The following STK31 variants were observed in gnomAD, a reference collection of about 807,000 sequenced individuals.
STK31 encodes serine/threonine-protein kinase 31.
A neutral mutation model predicts 129.7 loss-of-function variants in STK31; 89 were observed. The ratio of observed to expected loss-of-function variants is 0.69; its 90% CI spans 0.58 to 0.82. The LOEUF is 0.82. STK31 is among the 40% of genes least tolerant of loss of function. STK31 has a pLI of 0.00. For synonymous variants in STK31, 448 were observed against 395.3 expected (o/e 1.13, Z -1.58); for missense variants, 1,187 against 1,176.4 (o/e 1.01, Z -0.13).
intron 8 of STK31, among the ~76,000 whole-genome samples, chr7:23,751,025 C>T (rs991543312): frequency 1.3e-5 from 2 of 152,310 alleles, no homozygotes; most frequent in East Asian, 3.9e-4. Context: ...ATTCTTCTAT[C>T]CCTACCACAT....
intron 22 of STK31, among the ~76,000 whole-genome samples, chr7:23,803,776 T>C (rs1792524103): frequency 6.6e-6 from 1 of 152,192 alleles, no homozygotes; most frequent in Non-Finnish European, 1.5e-5. Context: ...TGTTGTTCCC[T>C]TCTTTGTGTT....
chr7:23,711,467 T>A (rs1323406172), intron 1 of STK31, among the ~76,000 whole-genome samples: 1 of 151,984 alleles, frequency 6.6e-6, no homozygotes, highest in Non-Finnish European at 1.5e-5. Context: ...GTGTTTTAAT[T>A]TTCCTTCAAC....
intron 6 of STK31, among the ~76,000 whole-genome samples, chr7:23,734,934 C>T (rs1787631620): frequency 6.6e-6 from 1 of 152,128 alleles, no homozygotes; most frequent in Non-Finnish European, 1.5e-5. Context: ...CACTGCACTC[C>T]AGCCTGTGCG....
At chr7:23,779,920 CA>C (rs1470668357) in intron 15 of STK31, among the ~76,000 whole-genome samples, 1 of 152,138 alleles carries the variant, frequency 6.6e-6, no homozygotes, top group Non-Finnish European at 1.5e-5. Flanking sequence ...GGTGTCTGCC[CA>C]AACGTCTGCC....
intron 22 of STK31, among the ~76,000 whole-genome samples, chr7:23,812,841 A>G (rs1793224277): frequency 6.6e-6 from 1 of 152,154 alleles, no homozygotes; most frequent in African/African-American, 2.4e-5. Context: ...TGCAAAAGAT[A>G]TGATTTTATT....
chr7:23,808,569 A>T (rs1792868286), intron 22 of STK31, among the ~76,000 whole-genome samples: 1 of 151,970 alleles, frequency 6.6e-6, no homozygotes. Flanking sequence ...GCTGGGTGGG[A>T]GTGGAAGTAA....
chr7:23,769,250 T>A (rs975556560), intron 12 of STK31, 76 bp downstream of exon 12: 1 of 1,345,264 alleles, frequency 7.4e-7, no homozygotes, highest in African/African-American at 1.5e-5. Context: ...CGCGCTTTGT[T>A]CAAGAGCTGA....
chr7:23,793,669 T>G (rs1791777348), intron 22 of STK31, among the ~76,000 whole-genome samples: 1 of 152,064 alleles, frequency 6.6e-6, no homozygotes, highest in African/African-American at 2.4e-5. Context: ...GAACTACAGA[T>G]TAAAACCAAA....
intron 22 of STK31, among the ~76,000 whole-genome samples, chr7:23,804,325 T>C (rs1033909543): frequency 6.6e-6 from 1 of 152,164 alleles, no homozygotes; most frequent in Non-Finnish European, 1.5e-5. Context: ...ATCTTTATTA[T>C]TGTCTGCTTC....
intron 23 of STK31, among the ~76,000 whole-genome samples, chr7:23,826,271 T>C (rs899626853): frequency 3.9e-5 from 6 of 152,198 alleles, no homozygotes; most frequent in African/African-American, 1.4e-4. Context: ...GCTTTATGAA[T>C]CTGGGTCCTC....
rs73080966 is a variant in STK31 at position 23,734,374 on chromosome 7, T to G, written c.484-1164T>G. On this transcript the variant is annotated intron_variant, in intron 6 of 23. Coordinates refer to ENST00000355870, the MANE Select transcript of STK31 (RefSeq NM_031414.5). ...TATATTCCGAAAAAGAATACTTACT[T>G]TTAATTTCCTTTATAGTACGCACAG... Among the ~76,000 whole-genome samples, 916 of 152,326 alleles carry G rather than the reference T, an allele frequency of 6.0e-3. 1 individual carries two copies. The highest frequency in any genetic ancestry group is 0.024 in the South Asian group (115 of 4,826).
At chr7:23,829,861 G>T (rs1353229815) in intron 23 of STK31, among the ~76,000 whole-genome samples, 27 of 152,284 alleles carry the variant, frequency 1.8e-4, no homozygotes. Context: ...AACCTGGTAG[G>T]TTGTATGTGT....
chr7:23,802,501 G>A (rs932514976), intron 22 of STK31, among the ~76,000 whole-genome samples: 5 of 152,032 alleles, frequency 3.3e-5, no homozygotes, highest in East Asian at 1.9e-4. Context: ...TGAGGGGAGC[G>A]CCAAGAAGCT....
At chr7:23,824,908 T>C (rs963301058) in intron 23 of STK31, among the ~76,000 whole-genome samples, 3 of 152,012 alleles carry the variant, frequency 2.0e-5, no homozygotes, top group African/African-American at 7.3e-5. Context: ...GTTTATTGAT[T>C]TTCATATGTT....
intron 3 of STK31, among the ~76,000 whole-genome samples, chr7:23,717,097 C>CATTTTTTTTTTTT (rs1786381897): frequency 2.3e-5 from 1 of 42,936 alleles, no homozygotes; most frequent in South Asian, 9.4e-4. Context: ...TCGCAACCTG[C>CATTTTTTTTTTTT]TTTTTTTTTT....
intron 4 of STK31, chr7:23,721,446 T>TCCTC: frequency 1.2e-6 from 1 of 834,140 alleles, no homozygotes; most frequent in East Asian, 3.0e-5. Flanking sequence ...TCTTCTTTGT[T>TCCTC]ATCTTCCATT....
At chr7:23,775,180 T>G (rs1385171423) in intron 15 of STK31, among the ~76,000 whole-genome samples, 2 of 152,200 alleles carry the variant, frequency 1.3e-5, no homozygotes, top group African/African-American at 4.8e-5. Context: ...TGTGTTCCAT[T>G]GGTCTGTATA....
At chr7:23,801,853 G>A (rs1290832270) in intron 22 of STK31, among the ~76,000 whole-genome samples, 1 of 152,076 alleles carries the variant, frequency 6.6e-6, no homozygotes, top group East Asian at 1.9e-4. Context: ...GGCCATTTTT[G>A]TGTGAGTCTG....
intron 11 of STK31, among the ~76,000 whole-genome samples, chr7:23,763,955 C>T (rs1335440530): frequency 6.6e-6 from 1 of 152,100 alleles, no homozygotes; most frequent in Non-Finnish European, 1.5e-5. Flanking sequence ...TAATATCGAT[C>T]TTGTTGTGGA....
Sources: allele counts gnomAD v4.1 joint callset (sites outside exome capture counted in the v4.1 genomes callset), GRCh38; gene constraint gnomAD v4.1.1; transcripts MANE v1.5; gene names NCBI Gene and HGNC (gene_info 2026-07-23, HGNC 2026-07-21).